The following PTCSC3 variants were observed in gnomAD, a reference collection of about 807,000 sequenced individuals.
PTCSC3 encodes papillary thyroid carcinoma susceptibility candidate 3 (non-protein coding).
intron 1 of PTCSC3, among the ~76,000 whole-genome samples, chr14:36,163,265 G>C (rs1882010532): frequency 6.6e-6 from 1 of 151,820 alleles, no homozygotes; most frequent in South Asian, 2.1e-4. Context: ...TAAATGGGGA[G>C]AAATTAATTA....
intron 1 of PTCSC3, among the ~76,000 whole-genome samples, chr14:36,168,610 T>A (rs2139112285): frequency 6.6e-6 from 1 of 151,782 alleles, no homozygotes; most frequent in Non-Finnish European, 1.5e-5. Context: ...AAAGAAAGGT[T>A]TTTAATAAAA....
chr14:36,152,342 C>G (rs1199574524), intron 3 of PTCSC3, among the ~76,000 whole-genome samples: 2 of 152,042 alleles, frequency 1.3e-5, no homozygotes, highest in African/African-American at 4.8e-5. Context: ...GTAGTCCTAG[C>G]TACTCAGGAG....
At chr14:36,148,364 G>T (rs1157420017) in intron 3 of PTCSC3, among the ~76,000 whole-genome samples, 1 of 152,204 alleles carries the variant, frequency 6.6e-6, no homozygotes, top group Non-Finnish European at 1.5e-5. Flanking sequence ...ATAATGTCGT[G>T]GTGCGCCGTT....
At chr14:36,158,887 AT>A (rs963211114) in intron 2 of PTCSC3, among the ~76,000 whole-genome samples, 15 of 151,830 alleles carry the variant, frequency 9.9e-5, no homozygotes, top group Admixed American at 6.6e-5. Context: ...TAGTCCTTGA[AT>A]TTTTTTGGTT....
intron 1 of PTCSC3, among the ~76,000 whole-genome samples, chr14:36,170,967 A>G (rs1389240373): frequency 2.0e-5 from 3 of 152,144 alleles, no homozygotes; most frequent in South Asian, 2.1e-4. Context: ...AAAATACCAT[A>G]TATTTCTAAC....
At chr14:36,152,562 T>A (rs1261655337) in intron 3 of PTCSC3, among the ~76,000 whole-genome samples, 1 of 152,130 alleles carries the variant, frequency 6.6e-6, no homozygotes, top group East Asian at 1.9e-4. Flanking sequence ...AAAACATCTA[T>A]GTCAAAGGGC....
intron 1 of PTCSC3, among the ~76,000 whole-genome samples, chr14:36,168,031 ATT>A (rs1227989759): frequency 1.3e-5 from 2 of 151,868 alleles, no homozygotes; most frequent in Non-Finnish European, 2.9e-5. Flanking sequence ...AGGCATGTGA[ATT>A]GCAATCCTTT....
intron 2 of PTCSC3, among the ~76,000 whole-genome samples, chr14:36,155,597 T>A (rs899344278): frequency 6.6e-6 from 1 of 152,114 alleles, no homozygotes; most frequent in Non-Finnish European, 1.5e-5. Context: ...GATACAGTAA[T>A]AATGGAAGAC....
chr14:36,153,594 C>A (rs927479734), intron 3 of PTCSC3, among the ~76,000 whole-genome samples: 1 of 152,124 alleles, frequency 6.6e-6, no homozygotes, highest in African/African-American at 2.4e-5. Flanking sequence ...TATTCTTTGA[C>A]CCCCAAAATT....
rs144707068 is a variant in PTCSC3 at position 36,174,890 on chromosome 14, C to G, written n.171+1408G>C. On this transcript the variant is annotated intron_variant and non_coding_transcript_variant, in intron 1 of 3. Transcript: ENST00000556013. The stretch of plus-strand genomic sequence containing the variant: ...CAAGATGTTAATAAATCTCTCCTCT[C>G]TGGCAGGGCCAGAACTCTGACATCT... Among the ~76,000 whole-genome samples, 99 of 152,302 alleles carry G rather than the reference C, an allele frequency of 6.5e-4. 1 individual carries two copies. The East Asian group carries it at 0.018, about 28-fold the overall frequency.
At chr14:36,137,271 G>T (rs1453401422) in intron 3 of PTCSC3, among the ~76,000 whole-genome samples, 19 of 152,130 alleles carry the variant, frequency 1.2e-4, no homozygotes, top group Non-Finnish European at 2.1e-4. Context: ...CAACAACGAG[G>T]CCAGTGTGGC....
chr14:36,167,648 C>A (rs1385929176), intron 1 of PTCSC3, among the ~76,000 whole-genome samples: 1 of 152,122 alleles, frequency 6.6e-6, no homozygotes, highest in Non-Finnish European at 1.5e-5. Flanking sequence ...ACAAATCCCT[C>A]TCTCTCAGGG....
At chr14:36,138,785 C>T (rs1881346139) in intron 3 of PTCSC3, among the ~76,000 whole-genome samples, 1 of 152,170 alleles carries the variant, frequency 6.6e-6, no homozygotes, top group South Asian at 2.1e-4. Context: ...CCTTTCTGTA[C>T]AGTCTGGCAA....
intron 1 of PTCSC3, among the ~76,000 whole-genome samples, chr14:36,166,660 A>G (rs1457473686): frequency 1.3e-5 from 2 of 152,142 alleles, no homozygotes; most frequent in African/African-American, 2.4e-5. Context: ...TTGCTAGGGA[A>G]TGTACCTTTA....
downstream of PTCSC3, among the ~76,000 whole-genome samples, chr14:36,135,899 ATG>A (rs139313919): frequency 1.1e-3 from 168 of 149,330 alleles, no homozygotes; most frequent in African/African-American, 2.9e-3. Context: ...GTATATATAT[ATG>A]TGTGTGTGTG....
At chr14:36,175,739 T>G (rs536490173) in intron 1 of PTCSC3, among the ~76,000 whole-genome samples, 1 of 152,364 alleles carries the variant, frequency 6.6e-6, no homozygotes, top group African/African-American at 2.4e-5. Flanking sequence ...TTAACTTGTC[T>G]TTGGGATCAC....
At chr14:36,161,234 C>G (rs886343863) in intron 2 of PTCSC3, among the ~76,000 whole-genome samples, 1 of 152,156 alleles carries the variant, frequency 6.6e-6, no homozygotes, top group Non-Finnish European at 1.5e-5. Flanking sequence ...ATTTGTCAAG[C>G]TCATTCTCTG....
chr14:36,140,540 T>A (rs1480261816), intron 3 of PTCSC3, among the ~76,000 whole-genome samples: 2 of 152,218 alleles, frequency 1.3e-5, no homozygotes, highest in Non-Finnish European at 2.9e-5. Flanking sequence ...GTCGTTCTAA[T>A]CCATGTGCAG....
chr14:36,159,421 T>C (rs1881904741), intron 2 of PTCSC3, among the ~76,000 whole-genome samples: 1 of 152,236 alleles, frequency 6.6e-6, no homozygotes, highest in South Asian at 2.1e-4. Flanking sequence ...GTTTTAGCTG[T>C]GTCCCAGAGA....
Sources: allele counts gnomAD v4.1 joint callset (sites outside exome capture counted in the v4.1 genomes callset), GRCh38; gene constraint gnomAD v4.1.1; transcripts MANE v1.5; gene names NCBI Gene and HGNC (gene_info 2026-07-23, HGNC 2026-07-21).